TOR1AIP1: variants seen among roughly 807,000 people sequenced by gnomAD.
TOR1AIP1 encodes the protein torsin 1A interacting protein 1.
Under a neutral mutation model 63.3 loss-of-function variants are expected in TOR1AIP1, and 54 were observed. That is an observed-to-expected ratio of 0.85 (90% confidence interval 0.69 to 1.07). TOR1AIP1 has a LOEUF of 1.07. TOR1AIP1 is among the 50% of genes least tolerant of loss of function. TOR1AIP1 has a pLI of 0.00. For missense variants in TOR1AIP1, 736 were observed against 715.0 expected, an observed-to-expected ratio of 1.03 and a Z score of -0.33; for synonymous variants, 294 against 273.5, an observed-to-expected ratio of 1.07 and a Z score of -0.74.
chr1:179,909,622 G>C lies in TOR1AIP1; in HGVS notation c.907+949G>C, dbSNP rs143932336. ...CTGGCTAATTTTTATATTTTTAGTA[G>C]AGACAGGGTTTCACCATATTGGTCA... On this transcript the variant is annotated intron_variant, in intron 8 of 9. Coordinates refer to ENST00000606911, the MANE Select transcript of TOR1AIP1 (RefSeq NM_015602.4). 5.3e-3 allele frequency among the ~76,000 whole-genome samples: 799 copies of C among 152,076 alleles called. 9 individuals carry two copies. The highest frequency in any genetic ancestry group is 0.021 in the South Asian group (101 of 4,816).
chr1:179,914,541 A>T (rs1353202901), intron 9 of TOR1AIP1, among the ~76,000 whole-genome samples: 2 of 152,194 alleles, frequency 1.3e-5, no homozygotes, highest in African/African-American at 4.8e-5. Context: ...CATGCCTGTA[A>T]TCTCAGCACT....
chr1:179,916,704 T>C (rs942446582), intron 9 of TOR1AIP1, among the ~76,000 whole-genome samples: 29 of 137,532 alleles, frequency 2.1e-4, no homozygotes, highest in Non-Finnish European at 4.1e-4. Flanking sequence ...CCTTTTCTTT[T>C]TTTTTTTTTT....
chr1:179,899,294 TA>T (rs1648376222), intron 3 of TOR1AIP1, among the ~76,000 whole-genome samples: 1 of 151,844 alleles, frequency 6.6e-6, no homozygotes, highest in African/African-American at 2.4e-5. Context: ...ATAGCCCATG[TA>T]AAAATACTAT....
chr1:179,910,850 T>C (rs928511594), intron 8 of TOR1AIP1, among the ~76,000 whole-genome samples: 4 of 152,184 alleles, frequency 2.6e-5, no homozygotes, highest in Non-Finnish European at 5.9e-5. Flanking sequence ...TACATACTTA[T>C]CAGAAAATCT....
At position 179,889,317 on chromosome 1, in the gene TOR1AIP1, T is replaced by C; in HGVS notation, c.558T>C (p.Ser186=). The change falls in exon 3 of 10, where the codon AGT becomes AGC. Residue 186 remains serine (S), a synonymous_variant. Transcript: ENST00000606911. The part of the protein sequence containing the change: ...TVRSIQEAPV[S]EDLVIRLRRP... ...TTTCTCTTCCTATATTAGCAGTGAG[T>C]GAAGATCTTGTAATCAGGTTACGTC... 6.2e-7 allele frequency: 1 copy of C among 1,602,506 alleles called. No homozygotes were observed. The highest frequency in any genetic ancestry group is 8.5e-7 in the Non-Finnish European group (1 of 1,171,186).
chr1:179,909,388 GTTTTGTT>G lies in TOR1AIP1; in HGVS notation c.907+718_907+724del, dbSNP rs1558045755. Among the ~76,000 whole-genome samples the G allele has an allele frequency of 0.013, 6 of 476 alleles. No individual in the cohort carries two copies. The East Asian group carries it at 0.17, about 13-fold the overall frequency. 0.3% of individuals were successfully genotyped at this position (476 alleles called of 152,430 possible). The stretch of plus-strand genomic sequence containing the variant: ...GTTTAGGGTTTTTTTTCTGTTTTTT[GTTTTGTT>G]TTGTTTTGTTTTGTTTTGTTTTGTT... On this transcript the variant is annotated intron_variant, in intron 8 of 9. Transcript: ENST00000606911.
At chr1:179,887,207 G>A (rs1029296974) in intron 2 of TOR1AIP1, among the ~76,000 whole-genome samples, 1 of 151,200 alleles carries the variant, frequency 6.6e-6, no homozygotes, top group African/African-American at 2.4e-5. Context: ...AGACCAGCCT[G>A]GCCAATATGG....
At chr1:179,895,741 A>G (rs369588245) in intron 3 of TOR1AIP1, among the ~76,000 whole-genome samples, 133 of 152,194 alleles carry the variant, frequency 8.7e-4, no homozygotes, top group Middle Eastern at 3.4e-3. Context: ...CTCTACTAAA[A>G]ATACAAAAAT....
At chr1:179,911,682 T>A (rs371895511) in intron 8 of TOR1AIP1, among the ~76,000 whole-genome samples, 3 of 152,238 alleles carry the variant, frequency 2.0e-5, no homozygotes, top group Non-Finnish European at 4.4e-5. Context: ...TCCTAGCTCT[T>A]CCACTTACTA....
At position 179,903,961 on chromosome 1, in the gene TOR1AIP1, T is replaced by C; in HGVS notation, c.740-5T>C. ...ATTTATAGTGTACTGTTTTTTATTT[T>C]TTAGATAAAACCACCAGATCATCTA... On this transcript the variant is annotated splice_polypyrimidine_tract_variant and splice_region_variant and intron_variant, in intron 5 of 9. Transcript: ENST00000606911. 4 of 1,582,390 alleles carry C rather than the reference T, an allele frequency of 2.5e-6. No homozygotes were observed. The highest frequency in any genetic ancestry group is 1.1e-5 in the South Asian group (1 of 88,532).
intron 1 of TOR1AIP1, chr1:179,883,895 T>C (rs549489722): frequency 2.9e-4 from 84 of 291,648 alleles, no homozygotes; most frequent in African/African-American, 2.0e-3. Context: ...GTAAGGCACC[T>C]GTGAGGTAAA....
chr1:179,893,761 G>C (rs1648179922), intron 3 of TOR1AIP1, among the ~76,000 whole-genome samples: 1 of 152,090 alleles, frequency 6.6e-6, no homozygotes, highest in Non-Finnish European at 1.5e-5. Context: ...AAAACTATCT[G>C]TACCAGGGGT....
chr1:179,882,558 T>C lies in TOR1AIP1; in HGVS notation c.56T>C (p.Val19Ala). The change falls in exon 1 of 10, where the codon GTC (valine) becomes GCC (alanine). Residue 19 changes from valine (V) to alanine (A), a missense_variant. By Grantham distance (64) the Val-to-Ala change is moderately conservative (BLOSUM62 0). This residue lies in a region of TOR1AIP1 where 464 missense variants were observed against 371.0 expected (regional missense o/e 1.25). Coordinates refer to ENST00000606911, the MANE Select transcript of TOR1AIP1 (RefSeq NM_015602.4). ...GTGCGGGAAGGATGGGGTGTGTACG[T>C]CACCCCCAGGGCCCCCATCCGAGAG... ...EAVREGWGVY[V>A]TPRAPIREGR... 2 of 1,505,736 alleles carry C rather than the reference T, an allele frequency of 1.3e-6. No homozygotes were observed. The highest frequency in any genetic ancestry group is 1.8e-6 in the Non-Finnish European group (2 of 1,131,066). The allele number at this position is 1,505,736 out of a possible 1,614,324, so 93.3% of individuals were successfully genotyped here. A position where few individuals can be genotyped will look rare whatever the true frequency, so the allele number is the denominator to read the frequency against.
chr1:179,911,885 G>A (rs924661352), intron 8 of TOR1AIP1, among the ~76,000 whole-genome samples: 1 of 151,632 alleles, frequency 6.6e-6, no homozygotes, highest in Non-Finnish European at 1.5e-5. Flanking sequence ...AGCAACTATG[G>A]AGGATTTGTG....
At chr1:179,902,019 CTTTTTTTTTT>C (rs767712125) in intron 5 of TOR1AIP1, among the ~76,000 whole-genome samples, 2 of 98,794 alleles carry the variant, frequency 2.0e-5, no homozygotes, top group African/African-American at 3.9e-5. Flanking sequence ...AATTCCAATT[CTTTTTTTTTT>C]TTTTTTTTTT....
intron 2 of TOR1AIP1, among the ~76,000 whole-genome samples, chr1:179,886,494 G>A (rs1337856307): frequency 6.6e-6 from 1 of 152,118 alleles, no homozygotes. Context: ...ATAACTCACA[G>A]GGCCTCTGAA....
At position 179,911,410 on chromosome 1, in the gene TOR1AIP1, A is replaced by G. The variant is rs552122329; in HGVS notation, c.908-2588A>G. Reference sequence around the variant, plus strand: ...AACCTTAGGCTATAGATTCTACCCCATGGAACATTGTCACCCGACGTTAGC... The same window carrying G: ...AACCTTAGGCTATAGATTCTACCCCGTGGAACATTGTCACCCGACGTTAGC... On this transcript the variant is annotated intron_variant, in intron 8 of 9. Transcript: ENST00000606911. Among the ~76,000 whole-genome samples the G allele has an allele frequency of 3.3e-5, 5 of 152,350 alleles. No homozygotes were observed. In the East Asian group the frequency reaches 9.6e-4, roughly 29 times the overall value.
At chr1:179,911,283 T>C (rs1286545573) in intron 8 of TOR1AIP1, among the ~76,000 whole-genome samples, 1 of 152,258 alleles carries the variant, frequency 6.6e-6, no homozygotes, top group South Asian at 2.1e-4. Flanking sequence ...ATTAAAAAAA[T>C]GTTTTCCTAG....
intron 8 of TOR1AIP1, among the ~76,000 whole-genome samples, chr1:179,910,085 A>G (rs1482497968): frequency 6.6e-6 from 1 of 152,192 alleles, no homozygotes; most frequent in Non-Finnish European, 1.5e-5. Context: ...TTTTGGATGG[A>G]TTAAATGTCA....
Sources: allele counts gnomAD v4.1 joint callset (sites outside exome capture counted in the v4.1 genomes callset), GRCh38; gene constraint gnomAD v4.1.1; regional missense constraint gnomAD v4.1.1; transcripts MANE v1.5; gene names NCBI Gene and HGNC (gene_info 2026-07-23, HGNC 2026-07-21).